The following MALRD1 variants were observed in gnomAD, a reference collection of about 807,000 sequenced individuals.
MALRD1 encodes MAM and LDL-receptor class A domain-containing protein 1.
MALRD1 carries 247 observed loss-of-function variants against 242.1 expected under a neutral mutation model. That is an observed-to-expected ratio of 1.02 (90% confidence interval 0.92 to 1.13). The LOEUF is 1.13. Ranked by LOEUF, MALRD1 falls within the 50% of genes most tolerant of loss-of-function variation. The probability of loss-of-function intolerance (pLI) is 0.00; values close to 1 mark genes in which losing one functional copy is unlikely to be tolerated. For missense variants in MALRD1, 2,989 were observed against 2,533.1 expected, an observed-to-expected ratio of 1.18 and a Z score of -3.86; for synonymous variants, 995 against 866.6, an observed-to-expected ratio of 1.15 and a Z score of -2.60.
chr10:19,458,729 G>A lies in MALRD1; in HGVS notation c.5029+8239G>A, dbSNP rs148527654. Among the ~76,000 whole-genome samples the A allele has an allele frequency of 2.5e-3, 381 of 152,102 alleles. 3 individuals are homozygous for A. The highest frequency in any genetic ancestry group is 7.6e-3 in the African/African-American group (315 of 41,512). On this transcript the variant is annotated intron_variant, in intron 29 of 39. Transcript: ENST00000454679. Reference sequence around the variant, plus strand: ...TAAAATGTAGTGTACAATTTTCATCGTTACAGATTTATTTTGAATTCAAAA... The same window carrying A: ...TAAAATGTAGTGTACAATTTTCATCATTACAGATTTATTTTGAATTCAAAA...
intron 10 of MALRD1, among the ~76,000 whole-genome samples, chr10:19,139,139 G>T (rs1270033761): frequency 6.6e-6 from 1 of 152,068 alleles, no homozygotes; most frequent in Non-Finnish European, 1.5e-5. Flanking sequence ...AGTGTTTCAT[G>T]TAAATATATA....
chr10:19,111,435 A>C (rs1185379848), intron 5 of MALRD1, among the ~76,000 whole-genome samples: 1 of 152,200 alleles, frequency 6.6e-6, no homozygotes, highest in African/African-American at 2.4e-5. Context: ...TGAGCCTTTC[A>C]CGTGAATATG....
intron 36 of MALRD1, among the ~76,000 whole-genome samples, chr10:19,670,360 G>A (rs1428006109): frequency 2.6e-5 from 4 of 152,072 alleles, no homozygotes; most frequent in Non-Finnish European, 5.9e-5. Context: ...GGTGATCCAT[G>A]TCTTCCCTCA....
chr10:19,519,864 G>A (rs1341137601), intron 31 of MALRD1, among the ~76,000 whole-genome samples: 17 of 152,108 alleles, frequency 1.1e-4, no homozygotes, highest in Non-Finnish European at 5.9e-5. Flanking sequence ...CTATTAAACG[G>A]TCTACTTTCA....
intron 2 of MALRD1, among the ~76,000 whole-genome samples, chr10:19,085,366 TACTAAAG>T (rs1253062724): frequency 6.6e-6 from 1 of 151,990 alleles, no homozygotes; most frequent in Non-Finnish European, 1.5e-5. Context: ...TCTATACTCA[TACTAAAG>T]GAGCAAGGTA....
Position 19,238,503 on chromosome 10 carries a change from A to ATATT in MALRD1, c.2992-19181_2992-19180insTATT, listed in dbSNP as rs376375813. Among the ~76,000 whole-genome samples the ATATT allele has an allele frequency of 6.9e-4, 29 of 42,174 alleles. 1 individual carries two copies. Among genetic ancestry groups the ATATT allele is most frequent in the African/African-American group, 2.6e-3 (21 of 8,078 alleles). The allele number at this position is 42,174 out of a possible 152,430, so 27.7% of individuals were successfully genotyped here. ...ATACATTATATATAATATATAATAT[A>ATATT]ATATATAATGTATATTATATATAAT... On this transcript the variant is annotated intron_variant, in intron 18 of 39. Transcript: ENST00000454679.
chr10:19,393,410 A>G (rs1266466389), intron 28 of MALRD1, among the ~76,000 whole-genome samples: 1 of 134,744 alleles, frequency 7.4e-6, no homozygotes, highest in East Asian at 2.1e-4. Context: ...TATTTTACCT[A>G]TTTTCTAGTC....
In MALRD1 at chr10:19,205,244, C is replaced by A. The variant is rs1288138019; in HGVS notation, c.2557C>A (p.Arg853Ser). 4.5e-6 allele frequency: 7 copies of A among 1,549,248 alleles called. No individual in the cohort carries two copies. In the Admixed American group the frequency reaches 5.9e-5, roughly 13 times the overall value. Reference sequence around the variant, plus strand: ...TGATCTGGTGGATGACTGTGGTGATCGTACTGATGAAGTCAACTGTGGTAA... The same window carrying A: ...TGATCTGGTGGATGACTGTGGTGATAGTACTGATGAAGTCAACTGTGGTAA... ...LCDLVDDCGD[R>S]TDEVNCAPEL... is the part of the protein sequence containing the mutation. Residue 853 changes from arginine (R) to serine (S), a missense_variant, in exon 17 of 40, where the codon CGT (arginine) becomes AGT (serine). Transcript: ENST00000454679.
At chr10:19,302,561 A>G (rs1841999944) in intron 21 of MALRD1, among the ~76,000 whole-genome samples, 1 of 151,794 alleles carries the variant, frequency 6.6e-6, no homozygotes. Context: ...TATTGCATTG[A>G]TATGAAATTT....
At chr10:19,346,885 C>T (rs181380573) in intron 24 of MALRD1, among the ~76,000 whole-genome samples, 68 of 151,964 alleles carry the variant, frequency 4.5e-4, no homozygotes, top group Non-Finnish European at 8.8e-4. Context: ...CCTGACCTTA[C>T]GTGATCCACC....
chr10:19,062,587 C>A (rs771299762), intron 1 of MALRD1, among the ~76,000 whole-genome samples: 42 of 152,256 alleles, frequency 2.8e-4, no homozygotes, highest in Non-Finnish European at 2.6e-4. Flanking sequence ...CATAGATCAA[C>A]CTTGAAGACG....
At chr10:19,169,758 T>G (rs566972282) in intron 13 of MALRD1, among the ~76,000 whole-genome samples, 264 of 152,354 alleles carry the variant, frequency 1.7e-3, no homozygotes, top group African/African-American at 5.8e-3. Flanking sequence ...TAATCTAGCT[T>G]TTTAAATATT....
intron 31 of MALRD1, among the ~76,000 whole-genome samples, chr10:19,514,574 G>T (rs1007442577): frequency 2.0e-5 from 3 of 151,892 alleles, no homozygotes; most frequent in African/African-American, 7.3e-5. Context: ...AGGATTACAG[G>T]GCAATGTGAA....
At chr10:19,073,354 A>G (rs12268320) in intron 2 of MALRD1, among the ~76,000 whole-genome samples, 5,075 of 152,236 alleles carry the variant, frequency 0.033, 262 homozygotes, top group African/African-American at 0.12. Context: ...AAAAGCTTTT[A>G]TTAATTCCAG....
intron 36 of MALRD1, among the ~76,000 whole-genome samples, chr10:19,622,994 A>G (rs956429915): frequency 4.6e-5 from 7 of 152,072 alleles, no homozygotes; most frequent in African/African-American, 1.7e-4. Flanking sequence ...CACACTATAT[A>G]TACACAAAGA....
At chr10:19,693,361 G>A (rs927918465) in intron 38 of MALRD1, among the ~76,000 whole-genome samples, 21 of 151,956 alleles carry the variant, frequency 1.4e-4, no homozygotes, top group East Asian at 3.9e-4. Flanking sequence ...TAAGCTGATA[G>A]GCAACTTCAG....
intron 32 of MALRD1, among the ~76,000 whole-genome samples, chr10:19,541,765 A>G (rs769178727): frequency 3.7e-4 from 57 of 152,224 alleles, no homozygotes; most frequent in Non-Finnish European, 2.2e-4. Context: ...TCATATTAAC[A>G]CTTTAGCAAA....
chr10:19,642,847 C>T (rs1226369529), intron 36 of MALRD1, among the ~76,000 whole-genome samples: 3 of 151,956 alleles, frequency 2.0e-5, no homozygotes, highest in Admixed American at 6.6e-5. Flanking sequence ...AGAGGGAGGG[C>T]GTGGGAGAGA....
chr10:19,526,364 A>AT (rs1204816152), intron 31 of MALRD1, among the ~76,000 whole-genome samples: 9 of 144,744 alleles, frequency 6.2e-5, no homozygotes, highest in South Asian at 2.2e-4. Context: ...TCCAAAAAAA[A>AT]AATACATATA....
Sources: gnomAD v4.1 joint callset for allele counts (sites outside exome capture counted in the v4.1 genomes callset) on GRCh38, gnomAD v4.1.1 for gene constraint, MANE v1.5 for transcripts, NCBI Gene and HGNC (gene_info 2026-07-23, HGNC 2026-07-21) for gene names.